The following CXADR variants were observed in gnomAD, a reference collection of about 807,000 sequenced individuals.
The protein encoded by CXADR is coxsackievirus and adenovirus receptor.
CXADR carries 20 observed loss-of-function variants against 40.3 expected under a neutral mutation model. That is an observed-to-expected ratio of 0.50 (90% CI 0.35 to 0.72). The LOEUF is 0.72. Among genes scored for constraint, CXADR ranks in the 30% least tolerant of loss-of-function variants. The pLI, the probability that CXADR is intolerant of heterozygous loss-of-function variation, is 0.01. For synonymous variants in CXADR, 150 were observed against 161.3 expected (o/e 0.93, Z 0.53); for missense variants, 332 against 449.1 (o/e 0.74, Z 2.36).
chr21:17,589,248 G>T (rs2061418304), intron 7 of CXADR, among the ~76,000 whole-genome samples: 1 of 151,948 alleles, frequency 6.6e-6, no homozygotes, highest in Non-Finnish European at 1.5e-5. Flanking sequence ...GACACAGTAT[G>T]ATTACAAACA....
intron 1 of CXADR, among the ~76,000 whole-genome samples, chr21:17,517,871 G>C (rs1215711851): frequency 6.6e-6 from 1 of 152,192 alleles, no homozygotes; most frequent in Admixed American, 6.5e-5. Flanking sequence ...AAGCAAGCTA[G>C]TAAAAGAAGT....
the CXADR span, among the ~76,000 whole-genome samples, chr21:17,601,614 T>C: frequency 3.9e-5 from 6 of 152,338 alleles, no homozygotes; most frequent in Admixed American, 3.9e-4. Context: ...CAAGTTTACT[T>C]AGCATAAGGT....
At chr21:17,578,289 T>C (rs570380043) in intron 7 of CXADR, among the ~76,000 whole-genome samples, 16 of 152,314 alleles carry the variant, frequency 1.1e-4, no homozygotes, top group African/African-American at 3.9e-4. Flanking sequence ...AGCACTTACC[T>C]TTGGTTTGTT....
chr21:17,619,999 T>C, the CXADR span, among the ~76,000 whole-genome samples: 2 of 152,150 alleles, frequency 1.3e-5, no homozygotes, highest in Non-Finnish European at 1.5e-5. Context: ...GCTGGTTTGA[T>C]CTTCCATCCA....
At chr21:17,570,129 G>A, downstream of CXADR, 2 of 985,308 alleles carry the variant, frequency 2.0e-6, no homozygotes, top group Non-Finnish European at 2.4e-6. Flanking sequence ...GCTTTATTGT[G>A]CCTTTTATAC....
At chr21:17,521,164 G>GTGA in intron 1 of CXADR, among the ~76,000 whole-genome samples, 1 of 152,258 alleles carries the variant, frequency 6.6e-6, no homozygotes, top group East Asian at 1.9e-4. Context: ...GTAAGAAGGA[G>GTGA]TGATAGGGGA....
chr21:17,592,489 T>A (rs2061446765), intron 7 of CXADR, among the ~76,000 whole-genome samples: 1 of 151,802 alleles, frequency 6.6e-6, no homozygotes, highest in Non-Finnish European at 1.5e-5. Flanking sequence ...AGCAAAGCAA[T>A]AAATAAATTC....
intron 2 of CXADR, 116 bp downstream of exon 2, chr21:17,547,309 C>A: frequency 7.1e-7 from 1 of 1,417,728 alleles, no homozygotes; most frequent in Non-Finnish European, 9.5e-7. Flanking sequence ...AGCCCCCCAA[C>A]TTCTCAGGCT....
Position 17,566,105 on chromosome 21 carries a change from T to C in CXADR, c.*413T>C, listed in dbSNP as rs1414737019. On this transcript the variant is annotated 3_prime_UTR_variant, in exon 7 of 7. Transcript: ENST00000284878. ...ATTATTTTTAGGATGTGTATTTCATTTATTTATGGCCCACCAGTCTCCCCC... is the reference window on the plus strand; with the variant it reads ...ATTATTTTTAGGATGTGTATTTCATCTATTTATGGCCCACCAGTCTCCCCC... 2 of 984,096 alleles carry C rather than the reference T, an allele frequency of 2.0e-6. No homozygotes were observed. Among genetic ancestry groups the C allele is most frequent in the African/African-American group, 3.5e-5 (2 of 57,224 alleles). The allele number at this position is 984,096 out of a possible 1,614,324, so 61.0% of individuals were successfully genotyped here.
the CXADR span, among the ~76,000 whole-genome samples, chr21:17,623,462 A>C: frequency 6.6e-6 from 1 of 152,222 alleles, no homozygotes; most frequent in Non-Finnish European, 1.5e-5. Context: ...AAAACAATTA[A>C]GCCCCGAGGC....
chr21:17,619,779 A>G, the CXADR span, among the ~76,000 whole-genome samples: 1 of 151,936 alleles, frequency 6.6e-6, no homozygotes, highest in Non-Finnish European at 1.5e-5. Flanking sequence ...GATCTTCTGG[A>G]TAAATTGCTT....
At chr21:17,580,626 A>G (rs954971174) in intron 7 of CXADR, among the ~76,000 whole-genome samples, 2 of 152,144 alleles carry the variant, frequency 1.3e-5, no homozygotes, top group Admixed American at 6.5e-5. Flanking sequence ...AAAAATACAT[A>G]AATAAAGATT....
chr21:17,588,264 T>C, intron 7 of CXADR, among the ~76,000 whole-genome samples: 1 of 152,198 alleles, frequency 6.6e-6, no homozygotes, highest in Non-Finnish European at 1.5e-5. Flanking sequence ...TTTCCAATTC[T>C]GTGAAGAAAG....
rs2061237320 is a variant in CXADR, at chr21:17,568,193, ATCTCG to A, written c.*2502_*2506del. On this transcript the variant is annotated 3_prime_UTR_variant, in exon 7 of 7. Transcript: ENST00000284878. The stretch of plus-strand genomic sequence containing the variant: ...ACCCAGGCTGGAGTGCAGTGGCGGG[ATCTCG>A]GCTCACTGCAAGCTCCGCCTCCCAG... The A allele has an allele frequency of 1.1e-6, 1 of 946,700 alleles. No homozygotes were observed. The highest frequency in any genetic ancestry group is 1.2e-6 in the Non-Finnish European group (1 of 812,072). The allele number at this position is 946,700 out of a possible 1,614,324, so 58.6% of individuals were successfully genotyped here.
At chr21:17,623,681 C>T in the CXADR span, among the ~76,000 whole-genome samples, 5 of 152,134 alleles carry the variant, frequency 3.3e-5, no homozygotes, top group African/African-American at 1.2e-4. Context: ...CAAGATAAAC[C>T]CTTGTTTGCC....
the CXADR span, among the ~76,000 whole-genome samples, chr21:17,617,876 C>G: frequency 6.6e-6 from 1 of 152,182 alleles, no homozygotes; most frequent in Admixed American, 6.5e-5. Flanking sequence ...AAAGATTTCT[C>G]TGGTAGCTTG....
Position 17,567,297 on chromosome 21 carries a change from A to T in CXADR, c.*1605A>T. 1.0e-6 allele frequency: 1 copy of T among 985,440 alleles called. No homozygotes were observed. The highest frequency in any genetic ancestry group is 1.2e-6 in the Non-Finnish European group (1 of 829,906). 61.0% of individuals were successfully genotyped at this position (985,440 alleles called of 1,614,324 possible). ...TGTACACTTTTTAATGGTAAACTTA[A>T]GCTGAATGTGTAATGGATTTGTGTA... On this transcript the variant is annotated 3_prime_UTR_variant, in exon 7 of 7. Transcript: ENST00000284878.
chr21:17,518,945 C>T (rs1275745332), intron 1 of CXADR: 2 of 1,608,210 alleles, frequency 1.2e-6, no homozygotes, highest in South Asian at 1.1e-5. Flanking sequence ...GTACCCTTGC[C>T]CCCTATCCGG....
At chr21:17,546,931 C>T in intron 1 of CXADR, 96 bp from the exon 2 acceptor site, 1 of 1,446,068 alleles carries the variant, frequency 6.9e-7, no homozygotes, top group South Asian at 1.3e-5. Flanking sequence ...TCCTGTATCC[C>T]TCGCATCAAT....
Sources: gnomAD v4.1 joint callset for allele counts (sites outside exome capture counted in the v4.1 genomes callset) on GRCh38, gnomAD v4.1.1 for gene constraint, MANE v1.5 for transcripts, NCBI Gene and HGNC (gene_info 2026-07-23, HGNC 2026-07-21) for gene names.